EBF4: variants seen among roughly 807,000 people sequenced by gnomAD.
The protein encoded by EBF4 is transcription factor COE4.
A neutral mutation model predicts 67.1 loss-of-function variants in EBF4; 34 were observed. The observed-to-expected ratio is 0.51, with a 90% CI of 0.39 to 0.67. EBF4 has a LOEUF of 0.67. Among genes scored for constraint, EBF4 ranks in the 30% least tolerant of loss-of-function variants. EBF4 has a pLI of 0.00. For missense variants in EBF4, 837 were observed against 873.3 expected, an observed-to-expected ratio of 0.96 and a Z score of 0.52; for synonymous variants, 387 against 377.7, an observed-to-expected ratio of 1.02 and a Z score of -0.29.
chr20:2,708,088 C>A, intron 5 of EBF4, 68 bp downstream of exon 5: 1 of 1,493,474 alleles, frequency 6.7e-7, no homozygotes, highest in Non-Finnish European at 9.1e-7. Flanking sequence ...TACCCAGGCC[C>A]TGCCCCCTCG....
intron 6 of EBF4, among the ~76,000 whole-genome samples, chr20:2,717,146 A>T (rs2087620840): frequency 6.6e-6 from 1 of 152,090 alleles, no homozygotes; most frequent in Non-Finnish European, 1.5e-5. Context: ...TAGTTTTATA[A>T]TTTTTTCAAT....
chr20:2,709,105 T>A (rs1034883356), intron 5 of EBF4, among the ~76,000 whole-genome samples: 3 of 152,140 alleles, frequency 2.0e-5, no homozygotes, highest in Non-Finnish European at 4.4e-5. Flanking sequence ...AAGAATTGCC[T>A]GAACTCAGGA....
At chr20:2,746,170 T>A (rs1212568342) in intron 6 of EBF4, among the ~76,000 whole-genome samples, 2 of 152,052 alleles carry the variant, frequency 1.3e-5, no homozygotes, top group Admixed American at 6.6e-5. Context: ...CCATGGGGTG[T>A]CATAAGGGGT....
At chr20:2,708,893 G>A (rs1177043265) in intron 5 of EBF4, among the ~76,000 whole-genome samples, 1 of 152,122 alleles carries the variant, frequency 6.6e-6, no homozygotes, top group East Asian at 1.9e-4. Flanking sequence ...TTCACTTTGT[G>A]GCCATCCATT....
At chr20:2,731,393 GT>G (rs1156450706) in intron 6 of EBF4, among the ~76,000 whole-genome samples, 1 of 152,268 alleles carries the variant, frequency 6.6e-6, no homozygotes, top group East Asian at 1.9e-4. Context: ...ACCCTCATCT[GT>G]ATAGCCCAAA....
chr20:2,746,036 C>T (rs538535191), intron 6 of EBF4, among the ~76,000 whole-genome samples: 43 of 152,236 alleles, frequency 2.8e-4, no homozygotes, highest in African/African-American at 4.1e-4. Flanking sequence ...ACCGAGCACA[C>T]GAGTACTTAA....
intron 6 of EBF4, among the ~76,000 whole-genome samples, chr20:2,712,914 T>G (rs1402021729): frequency 6.6e-6 from 1 of 152,120 alleles, no homozygotes; most frequent in Non-Finnish European, 1.5e-5. Context: ...ACCATTAGAT[T>G]TAGCAATGAG....
rs1170375320 is a variant in EBF4 at position 2,756,586 on chromosome 20, G to A, written c.1738+762G>A. Among the ~76,000 whole-genome samples the A allele has an allele frequency of 6.6e-6, 1 of 152,336 alleles. No individual in the cohort carries two copies. The highest frequency in any genetic ancestry group is 1.9e-4 in the East Asian group (1 of 5,184). ...CAGGTGTTTTCTTTTCTGGCTAAGG[G>A]ATGCTTCCACGGGATCCCCTAGGAC... is the stretch of plus-strand genomic sequence containing the variant. On this transcript the variant is annotated intron_variant, in intron 15 of 16. Transcript: ENST00000609451. This position sits in a 1 kb window ranked among gnomAD's most constrained non-coding sequence, Gnocchi z 4.5.
At chr20:2,752,978 C>CA (rs1568589013) in intron 14 of EBF4, among the ~76,000 whole-genome samples, 2 of 152,178 alleles carry the variant, frequency 1.3e-5, no homozygotes, top group Non-Finnish European at 2.9e-5. Flanking sequence ...AAGCCGGCTT[C>CA]CAGCCGCCCC....
At chr20:2,704,385 T>G (rs1165513312) in intron 1 of EBF4, among the ~76,000 whole-genome samples, 2 of 152,160 alleles carry the variant, frequency 1.3e-5, no homozygotes, top group African/African-American at 4.8e-5. Flanking sequence ...GGAACACACT[T>G]TGGAAGGCCG....
intron 14 of EBF4, chr20:2,754,979 C>CG (rs1555789843): frequency 0.22 from 27,333 of 123,518 alleles, 4,240 homozygotes; most frequent in Non-Finnish European, 0.3. Context: ...CACCCCCCCC[C>CG]ACAGGGCCCA....
chr20:2,738,825 G>C lies in EBF4; in HGVS notation c.558-9724G>C, dbSNP rs538394296. Among the ~76,000 whole-genome samples, 265 of 152,346 alleles carry C rather than the reference G, an allele frequency of 1.7e-3. 4 individuals are homozygous for C. In the South Asian group the frequency reaches 0.025, roughly 14 times the overall value. On this transcript the variant is annotated intron_variant, in intron 6 of 16. Transcript: ENST00000609451. ...TTAATTATACAAGATTATGCTAATTGTGCATGCAAATGCATGCAGGGGAAC... is the reference window on the plus strand; with the variant it reads ...TTAATTATACAAGATTATGCTAATTCTGCATGCAAATGCATGCAGGGGAAC...
intron 1 of EBF4, among the ~76,000 whole-genome samples, chr20:2,702,209 G>A (rs2087386123): frequency 6.6e-6 from 1 of 152,194 alleles, no homozygotes. Context: ...CAAGGCAGGA[G>A]GATCGCTTGA....
At chr20:2,741,515 T>G (rs555791371) in intron 6 of EBF4, among the ~76,000 whole-genome samples, 2 of 152,346 alleles carry the variant, frequency 1.3e-5, no homozygotes, top group East Asian at 1.9e-4. Context: ...TTAGCCATAC[T>G]CAACCCAGAG....
intron 6 of EBF4, among the ~76,000 whole-genome samples, chr20:2,717,797 A>C (rs1240847368): frequency 1.3e-5 from 2 of 150,248 alleles, no homozygotes; most frequent in East Asian, 3.9e-4. Context: ...GAATATACGC[A>C]GTGGTAGTGG....
intron 14 of EBF4, chr20:2,754,976 C>CA (rs1555789869): frequency 4.4e-5 from 5 of 114,682 alleles, no homozygotes; most frequent in Non-Finnish European, 6.3e-5. Flanking sequence ...GACCACCCCC[C>CA]CCCACAGGGC....
chr20:2,750,146 G>A (rs532085816), intron 10 of EBF4, among the ~76,000 whole-genome samples, 173 bp downstream of exon 10: 3 of 152,210 alleles, frequency 2.0e-5, no homozygotes, highest in South Asian at 4.1e-4. Flanking sequence ...TCCGCTCGCA[G>A]GACCGTCTTT....
intron 6 of EBF4, among the ~76,000 whole-genome samples, chr20:2,719,871 T>C (rs927706429): frequency 6.6e-6 from 1 of 152,238 alleles, no homozygotes; most frequent in Non-Finnish European, 1.5e-5. Context: ...CTGTTGTTAT[T>C]GCGTGAAATG....
At chr20:2,737,123 G>C (rs58273405) in intron 6 of EBF4, among the ~76,000 whole-genome samples, 1 of 150,376 alleles carries the variant, frequency 6.6e-6, no homozygotes, top group African/African-American at 2.4e-5. Flanking sequence ...GGTGGCGGGC[G>C]CCTGTAGTCC....
Sources: gnomAD v4.1 joint callset for allele counts (sites outside exome capture counted in the v4.1 genomes callset) on GRCh38, gnomAD v4.1.1 for gene constraint, Gnocchi (gnomAD v3.1) non-coding constraint, MANE v1.5 for transcripts, NCBI Gene and HGNC (gene_info 2026-07-23, HGNC 2026-07-21) for gene names.